Variants in CIC observed in about 807,000 individuals in gnomAD.
The protein encoded by CIC is protein capicua homolog.
CIC carries 18 observed loss-of-function variants against 115.7 expected under a neutral mutation model. The ratio of observed to expected loss-of-function variants is 0.16; its 90% CI spans 0.11 to 0.23. CIC has a LOEUF of 0.23. CIC is among the 10% of genes least tolerant of loss of function. CIC has a pLI of 1.00. For missense variants in CIC, 2,000 were observed against 2,159.3 expected, an observed-to-expected ratio of 0.93 and a Z score of 1.46; for synonymous variants, 1,076 against 923.0, an observed-to-expected ratio of 1.17 and a Z score of -3.01.
At chr19:42,278,678 C>T (rs1255981603) in intron 2 of CIC, among the ~76,000 whole-genome samples, 3 of 152,230 alleles carry the variant, frequency 2.0e-5, no homozygotes, top group Admixed American at 2.0e-4. Flanking sequence ...GCCTCCCAGC[C>T]CCACCCTGTG....
Position 42,289,072 on chromosome 19 carries a change from G to A in CIC, c.3843G>A (p.Ala1281=), listed in dbSNP as rs970447133. ...SLDGGEVDSQ[A]LQELTQMVSG... ...ACGGCGGAGAAGTAGACAGTCAGGC[G>A]CTACAGGAACTGACGCAGGTCTAGG... Residue 1281 remains alanine, a synonymous_variant, in exon 8 of 21, where the codon GCG becomes GCA. Transcript: ENST00000681038. The A allele has an allele frequency of 3.1e-6, 5 of 1,613,504 alleles. No homozygotes were observed. Among genetic ancestry groups the A allele is most frequent in the African/African-American group, 2.7e-5 (2 of 74,936 alleles).
intron 9 of CIC, 27 bp from the exon 10 acceptor site, chr19:42,289,821 C>T (rs1369860668): frequency 4.5e-6 from 7 of 1,546,366 alleles, no homozygotes; most frequent in South Asian, 1.2e-5. Context: ...TAGCCCCCTC[C>T]CCATACTGTT....
At position 42,294,752 on chromosome 19, in the gene CIC, G is replaced by A. The variant is rs1288925453; in HGVS notation, c.7186+17G>A. On this transcript the variant is annotated intron_variant, in intron 20 of 20. Coordinates refer to ENST00000681038, the MANE Select transcript of CIC (RefSeq NM_001386298.1). ...TCCCGTCAGGTGAGCCTGTCTCGGA[G>A]TCTTGGGGTCACTCGGGTGGGACTT... is the stretch of plus-strand genomic sequence containing the variant. The A allele has an allele frequency of 1.2e-6, 2 of 1,612,370 alleles. No homozygotes were observed. The highest frequency in any genetic ancestry group is 8.5e-7 in the Non-Finnish European group (1 of 1,180,010).
At position 42,290,204 on chromosome 19, in the gene CIC, C is replaced by T. The variant is rs1407427132; in HGVS notation, c.4192-29C>T. On this transcript the variant is annotated intron_variant, in intron 10 of 20. Transcript: ENST00000681038. Reference sequence around the variant, plus strand: ...CTATCGAGGTGTCGGAGTGTCCTGACCTGGGGTGTCTCCCTTCCTTTCATG... The same window carrying T: ...CTATCGAGGTGTCGGAGTGTCCTGATCTGGGGTGTCTCCCTTCCTTTCATG... The T allele has an allele frequency of 3.7e-6, 6 of 1,613,798 alleles. No individual in the cohort carries two copies. The East Asian group carries it at 1.3e-4, about 36-fold the overall frequency.
In CIC at chr19:42,270,454, G is replaced by C. The variant is rs1323496257; in HGVS notation, c.-11+1073G>C. On this transcript the variant is annotated intron_variant, in intron 1 of 20. Transcript: ENST00000681038. The surrounding 1 kb of genome is among the most constrained non-coding windows in gnomAD (Gnocchi z 4.1). Reference sequence around the variant, plus strand: ...TAGAGGCCTCTGTTTTGGCCTCTCAGGTTCTCTTAGTCACTTCAGAGTAAA... The same window carrying C: ...TAGAGGCCTCTGTTTTGGCCTCTCACGTTCTCTTAGTCACTTCAGAGTAAA... Among the ~76,000 whole-genome samples, 3 of 152,224 alleles carry C rather than the reference G, an allele frequency of 2.0e-5. No homozygotes were observed. The highest frequency in any genetic ancestry group is 7.2e-5 in the African/African-American group (3 of 41,450).
rs1485745693 is a variant in CIC, at chr19:42,293,035, C to T, written c.6276C>T (p.Ala2092=). The T allele has an allele frequency of 1.2e-6, 2 of 1,613,120 alleles. No homozygotes were observed. The stretch of plus-strand genomic sequence containing the variant: ...AGGCCCCCCAGAAAGTGAAGGCAGC[C>T]ATCGCCAGCATTCCCGTGGGGTCCT... The part of the protein sequence containing the change: ...SPKAPQKVKA[A]IASIPVGSFE... The change falls in exon 16 of 21, where the codon GCC becomes GCT. Residue 2092 remains alanine (A), a synonymous_variant. Coordinates refer to ENST00000681038, the MANE Select transcript of CIC (RefSeq NM_001386298.1).
chr19:42,269,798 G>A (rs567105549), intron 1 of CIC, among the ~76,000 whole-genome samples: 9 of 151,926 alleles, frequency 5.9e-5, no homozygotes, highest in African/African-American at 2.2e-4. Context: ...TTAACCGAGA[G>A]GTAGAGATAG....
Position 42,287,797 on chromosome 19 carries a change from C to G in CIC, c.3493-13C>G, listed in dbSNP as rs1412158446. ...GTGGGTGAGTGAAGGGTTGCCCTGC[C>G]CTCTCCTGCCAGGTGAAGGAGGCCC... On this transcript the variant is annotated splice_polypyrimidine_tract_variant and intron_variant, in intron 6 of 20. Transcript: ENST00000681038. This position sits in a 1 kb window ranked among gnomAD's most constrained non-coding sequence, Gnocchi z 8.7. 6.2e-7 allele frequency: 1 copy of G among 1,614,020 alleles called. No homozygotes were observed. The highest frequency in any genetic ancestry group is 1.1e-5 in the South Asian group (1 of 91,084).
Position 42,291,596 on chromosome 19 carries a change from G to C in CIC, c.5464G>C (p.Gly1822Arg), listed in dbSNP as rs906375576. Residue 1822 changes from glycine (G) to arginine (R), a missense_variant, in exon 12 of 21, where the codon GGC becomes CGC. Transcript: ENST00000681038. ...TCCCGTGCAGGCCCCGCCCCCGGGT[G>C]GCTCAGCCCAGCTGCTGCCTGGGAA... ...VSPVQAPPPG[G>R]SAQLLPGKVL... 1.2e-6 allele frequency: 2 copies of C among 1,612,920 alleles called. No individual in the cohort carries two copies. Among genetic ancestry groups the C allele is most frequent in the Non-Finnish European group, 8.5e-7 (1 of 1,180,004 alleles).
At chr19:42,285,483 C>G (rs1423152524) in intron 2 of CIC, among the ~76,000 whole-genome samples, 1 of 152,138 alleles carries the variant, frequency 6.6e-6, no homozygotes, top group African/African-American at 2.4e-5. Context: ...TGATCCCAGT[C>G]CCTTGTTTCC....
At position 42,272,231 on chromosome 19, in the gene CIC, CTGGGGG is replaced by C; in HGVS notation, c.451_456del (p.Gly151_Val152del). 1 of 398,592 alleles carries C rather than the reference CTGGGGG, an allele frequency of 2.5e-6. No individual in the cohort carries two copies. The highest frequency in any genetic ancestry group is 4.4e-6 in the Non-Finnish European group (1 of 226,040). The allele number at this position is 398,592 out of a possible 1,614,324, so 24.7% of individuals were successfully genotyped here. On this transcript the variant is annotated inframe_deletion, in exon 2 of 21. Transcript: ENST00000681038. ...GCGGACCCCTGAGGAGGCCAGTGGC[CTGGGGG>C]TGCCTCCACGGCCACCCACCTCCAC...
At position 42,294,309 on chromosome 19, in the gene CIC, C is replaced by T. The variant is rs767495242; in HGVS notation, c.7054+5C>T. 5 of 1,612,720 alleles carry T rather than the reference C, an allele frequency of 3.1e-6. No individual in the cohort carries two copies. Among genetic ancestry groups the T allele is most frequent in the South Asian group, 1.1e-5 (1 of 91,064 alleles). On this transcript the variant is annotated splice_donor_5th_base_variant and intron_variant, in intron 19 of 20. Transcript: ENST00000681038. ...TCTTCACCTTTGACCGTACAGGTGCCGTGGTGGGCAGAACTTTGGGGGCCT... is the reference window on the plus strand; with the variant it reads ...TCTTCACCTTTGACCGTACAGGTGCTGTGGTGGGCAGAACTTTGGGGGCCT...
Position 42,293,732 on chromosome 19 carries a change from G to A in CIC, c.6663G>A (p.Gly2221=), listed in dbSNP as rs769144164. 6.2e-7 allele frequency: 1 copy of A among 1,612,904 alleles called. No individual in the cohort carries two copies. The highest frequency in any genetic ancestry group is 8.5e-7 in the Non-Finnish European group (1 of 1,179,800). Residue 2221 remains glycine (G), a synonymous_variant, in exon 17 of 21, where the codon GGG becomes GGA. Transcript: ENST00000681038. ...APGGSSESSS[G]RAAGDTPERK... is the part of the protein sequence containing the mutation. ...GTGGCAGCAGCGAGAGCAGCAGTGG[G>A]CGGGCAGCCGGGGACACCCCGGAGC...
rs2037757411 is a variant in CIC, at chr19:42,287,721, C to A, written c.3486C>A (p.Ala1162=). The A allele has an allele frequency of 6.2e-7, 1 of 1,614,216 alleles. No homozygotes were observed. Among genetic ancestry groups the A allele is most frequent in the Middle Eastern group, 1.6e-4 (1 of 6,062 alleles). The stretch of plus-strand genomic sequence containing the variant: ...AGAAGCAGAAGTACCACGACCTGGC[C>A]TTCCAGGTAACGCTGTTGCCTCTTG... ...PKEKQKYHDL[A]FQVKEAHFKA... Residue 1162 remains alanine (A), a synonymous_variant, in exon 6 of 21, where the codon GCC becomes GCA. Coordinates refer to ENST00000681038, the MANE Select transcript of CIC (RefSeq NM_001386298.1). The surrounding 1 kb of genome is among the most constrained non-coding windows in gnomAD (Gnocchi z 8.7).
intron 7 of CIC, 34 bp downstream of exon 7, chr19:42,288,009 C>T (rs2037778031): frequency 1.3e-6 from 2 of 1,560,850 alleles, no homozygotes; most frequent in African/African-American, 1.4e-5. Flanking sequence ...CACCCTGCCA[C>T]CTCCCTCCCC....
Position 42,273,395 on chromosome 19 carries a change from A to G in CIC, c.1612A>G (p.Ser538Gly). 2.5e-6 allele frequency: 1 copy of G among 398,348 alleles called. No homozygotes were observed. The highest frequency in any genetic ancestry group is 4.4e-6 in the Non-Finnish European group (1 of 225,902). 24.7% of individuals were successfully genotyped at this position (398,348 alleles called of 1,614,324 possible). ...CAAAGAGATGGAAGGCCTGGCAGAC[A>G]GTGGGCCTGGCGGGGCGGGCCGGCC... ...RTKEMEGLAD[S>G]GPGGAGRPAA... Residue 538 changes from serine (S) to glycine (G), a missense_variant, in exon 2 of 21, where the codon AGT becomes GGT. Ser to Gly is a moderately conservative substitution (Grantham distance 56). Around this residue, in one of 8 missense-constraint regions of CIC, gnomAD observed 222 missense variants for 247.7 expected, o/e 0.90. Coordinates refer to ENST00000681038, the MANE Select transcript of CIC (RefSeq NM_001386298.1).
At chr19:42,284,890 CG>C in intron 2 of CIC, 1 of 938,352 alleles carries the variant, frequency 1.1e-6, no homozygotes, top group East Asian at 2.8e-5. Flanking sequence ...AAAGGGATGA[CG>C]GGGAAAGTTA....
At position 42,289,293 on chromosome 19, in the gene CIC, C is replaced by T. The variant is rs2037898729; in HGVS notation, c.3974C>T (p.Pro1325Leu). 1.2e-6 allele frequency: 2 copies of T among 1,613,920 alleles called. No individual in the cohort carries two copies. The highest frequency in any genetic ancestry group is 1.7e-6 in the Non-Finnish European group (2 of 1,180,026). ...GGTGCCTTGGCGGCCACTGGGCGGC[C>T]CCCGCTGCTGCCCACCCGAGCTTCT... ...EGGALAATGR[P>L]PLLPTRASRS... Residue 1325 changes from proline to leucine, a missense_variant, in exon 9 of 21, where the codon CCC becomes CTC. By Grantham distance (98) the Pro-to-Leu change is moderately conservative. Coordinates refer to ENST00000681038, the MANE Select transcript of CIC (RefSeq NM_001386298.1).
intron 19 of CIC, 129 bp downstream of exon 19, chr19:42,294,433 G>C (rs1200330018): frequency 2.7e-5 from 42 of 1,553,080 alleles, no homozygotes; most frequent in Non-Finnish European, 3.6e-5. Context: ...CCTGTCAGTG[G>C]TGGGTTCTGG....
Sources: gnomAD v4.1 joint callset for allele counts (sites outside exome capture counted in the v4.1 genomes callset) on GRCh38, gnomAD v4.1.1 for gene constraint, gnomAD v4.1.1 regional missense constraint, Gnocchi (gnomAD v3.1) non-coding constraint, MANE v1.5 for transcripts, NCBI Gene and HGNC (gene_info 2026-07-23, HGNC 2026-07-21) for gene names.